The following RABGAP1L variants were observed in gnomAD, a reference collection of about 807,000 sequenced individuals.
RABGAP1L encodes the protein rab GTPase-activating protein 1-like.
In RABGAP1L, 63 loss-of-function variants were observed where a neutral mutation model predicts 137.7. The ratio of observed to expected loss-of-function variants is 0.46; its 90% confidence interval spans 0.37 to 0.56. The LOEUF (loss-of-function observed/expected upper bound fraction) is 0.56, where lower values mean the gene tolerates loss of function less well. Ranked by LOEUF, RABGAP1L falls within the 20% of genes least tolerant of loss-of-function variation. The probability of loss-of-function intolerance (pLI) is 0.00; values close to 1 mark genes in which losing one functional copy is unlikely to be tolerated. For missense variants in RABGAP1L, 1,095 were observed against 1,244.0 expected, an observed-to-expected ratio of 0.88 and a Z score of 1.80; for synonymous variants, 431 against 433.7, an observed-to-expected ratio of 0.99 and a Z score of 0.08.
chr1:174,170,646 G>T (rs1665286252), intron 1 of RABGAP1L, among the ~76,000 whole-genome samples: 1 of 139,532 alleles, frequency 7.2e-6, no homozygotes, highest in African/African-American at 2.8e-5. Context: ...CTGCACTCCA[G>T]CCTGGACAGA....
intron 12 of RABGAP1L, among the ~76,000 whole-genome samples, chr1:174,374,992 A>C (rs1013448287): frequency 5.3e-5 from 8 of 152,162 alleles, no homozygotes; most frequent in Admixed American, 4.6e-4. Flanking sequence ...CAAACATCTC[A>C]CTTTCTTGAT....
chr1:174,223,264 T>TAAAAAA lies in RABGAP1L; in HGVS notation c.331+2124_331+2129dup, dbSNP rs550034492. On this transcript the variant is annotated intron_variant, in intron 3 of 25. Transcript: ENST00000681986. ...GCCTGCGTGACAGTGAGACTCTGTC[T>TAAAAAA]AAAAAAAAAAAAAAAAAAAAAAAAA... 8.4e-3 allele frequency among the ~76,000 whole-genome samples: 336 copies of TAAAAAA among 39,880 alleles called. 42 individuals are homozygous for TAAAAAA. Among genetic ancestry groups the TAAAAAA allele is most frequent in the East Asian group, 0.024 (19 of 784 alleles). The allele number at this position is 39,880 out of a possible 152,430, so 26.2% of individuals were successfully genotyped here.
intron 13 of RABGAP1L, among the ~76,000 whole-genome samples, chr1:174,418,920 C>A (rs1424401320): frequency 2.0e-5 from 3 of 152,032 alleles, no homozygotes; most frequent in African/African-American, 4.8e-5. Context: ...CACCTGTAAT[C>A]CCAGCTGCTC....
chr1:174,813,958 G>T (rs187460128), intron 19 of RABGAP1L, among the ~76,000 whole-genome samples: 7 of 152,280 alleles, frequency 4.6e-5, no homozygotes, highest in African/African-American at 1.7e-4. Context: ...AAGGTGAAAA[G>T]TTAAAGGTTT....
chr1:174,242,913 T>C (rs896813205), intron 5 of RABGAP1L: 3 of 152,180 alleles, frequency 2.0e-5, no homozygotes, highest in Non-Finnish European at 4.4e-5. Flanking sequence ...AATATAAATA[T>C]GCTGAAGGAA....
intron 4 of RABGAP1L, among the ~76,000 whole-genome samples, chr1:174,233,378 T>C (rs1418573839): frequency 6.7e-6 from 1 of 149,146 alleles, no homozygotes; most frequent in Non-Finnish European, 1.5e-5. Flanking sequence ...ACTCGTCATC[T>C]AGCATTAGGT....
intron 11 of RABGAP1L, among the ~76,000 whole-genome samples, chr1:174,329,606 G>T (rs200960597): frequency 7.2e-5 from 11 of 152,002 alleles, no homozygotes; most frequent in Admixed American, 2.0e-4. Flanking sequence ...AGATTCAAAA[G>T]CCCATTAAAA....
In RABGAP1L at chr1:174,577,902, C is replaced by T. The variant is rs187117375; in HGVS notation, c.1711-59473C>T. Among the ~76,000 whole-genome samples the T allele has an allele frequency of 9.2e-5, 14 of 152,246 alleles. 1 individual carries two copies. The East Asian group carries it at 2.5e-3, about 27-fold the overall frequency. On this transcript the variant is annotated intron_variant, in intron 13 of 25. Transcript: ENST00000681986. Reference sequence around the variant, plus strand: ...GCTTATAAATGAGAAATTAACCACCCCTCTAGGGAACAGCAGTTTCTTTGA... The same window carrying T: ...GCTTATAAATGAGAAATTAACCACCTCTCTAGGGAACAGCAGTTTCTTTGA...
chr1:174,357,281 T>C (rs964155772), intron 11 of RABGAP1L, among the ~76,000 whole-genome samples: 21 of 152,316 alleles, frequency 1.4e-4, no homozygotes, highest in Non-Finnish European at 3.1e-4. Context: ...AGTGTCCTCT[T>C]GATCAGTCAC....
At chr1:174,274,989 T>A (rs1435867423) in intron 8 of RABGAP1L, 1 of 152,176 alleles carries the variant, frequency 6.6e-6, no homozygotes, top group Non-Finnish European at 1.5e-5. Flanking sequence ...CATTTGCATA[T>A]GGAAATACTT....
intron 13 of RABGAP1L, chr1:174,547,986 C>G: frequency 1.3e-6 from 2 of 1,550,426 alleles, no homozygotes; most frequent in Non-Finnish European, 1.7e-6. Flanking sequence ...GTTTTAGTTC[C>G]TTTCCTGAGC....
At chr1:174,821,387 A>C (rs1691008125) in intron 19 of RABGAP1L, among the ~76,000 whole-genome samples, 1 of 152,214 alleles carries the variant, frequency 6.6e-6, no homozygotes, top group East Asian at 1.9e-4. Context: ...TACTTGCCTC[A>C]GAAAATTCTA....
chr1:174,896,016 T>C (rs1375455565), intron 19 of RABGAP1L, among the ~76,000 whole-genome samples: 8 of 152,220 alleles, frequency 5.3e-5, no homozygotes, highest in South Asian at 2.1e-4. Flanking sequence ...AGGAATCGCC[T>C]CATTGTCTTC....
At chr1:174,701,475 C>A (rs1349033882) in intron 16 of RABGAP1L, among the ~76,000 whole-genome samples, 1 of 152,124 alleles carries the variant, frequency 6.6e-6, no homozygotes, top group Non-Finnish European at 1.5e-5. Context: ...GGTACAGTGG[C>A]TCACACCTGT....
intron 18 of RABGAP1L, among the ~76,000 whole-genome samples, chr1:174,792,116 C>G (rs565134736): frequency 2.0e-5 from 3 of 152,336 alleles, no homozygotes; most frequent in Non-Finnish European, 4.4e-5. Flanking sequence ...ATCTTGGCTT[C>G]CTGACTCTGC....
chr1:174,876,842 T>A (rs904785066), intron 19 of RABGAP1L, among the ~76,000 whole-genome samples: 3 of 152,068 alleles, frequency 2.0e-5, no homozygotes, highest in Non-Finnish European at 2.9e-5. Context: ...CCTGTTTCAT[T>A]TTTATGTTTT....
intron 13 of RABGAP1L, among the ~76,000 whole-genome samples, chr1:174,552,511 T>C (rs1016126746): frequency 2.0e-5 from 3 of 152,152 alleles, no homozygotes; most frequent in African/African-American, 7.2e-5. Context: ...TCTCATTCTT[T>C]TTTATGACTG....
At chr1:174,187,223 A>G (rs1428041574) in intron 1 of RABGAP1L, among the ~76,000 whole-genome samples, 3 of 151,780 alleles carry the variant, frequency 2.0e-5, no homozygotes, top group African/African-American at 7.3e-5. Context: ...CAACCTCCCC[A>G]CAAGCCCACT....
chr1:174,462,828 T>C (rs1656840211), intron 13 of RABGAP1L, among the ~76,000 whole-genome samples: 1 of 152,106 alleles, frequency 6.6e-6, no homozygotes, highest in Non-Finnish European at 1.5e-5. Flanking sequence ...TAATGGCCTC[T>C]ACCTACATCT....
Sources: allele counts gnomAD v4.1 joint callset (sites outside exome capture counted in the v4.1 genomes callset), GRCh38; gene constraint gnomAD v4.1.1; transcripts MANE v1.5; gene names NCBI Gene and HGNC (gene_info 2026-07-23, HGNC 2026-07-21).